The following GSDMD variants were observed in gnomAD, a reference collection of about 807,000 sequenced individuals.
GSDMD encodes the protein gasdermin-D.
GSDMD carries 46 observed loss-of-function variants against 46.7 expected under a neutral mutation model. That is an observed-to-expected ratio of 0.99 (90% CI 0.78 to 1.26). The LOEUF (loss-of-function observed/expected upper bound fraction) is 1.26, where lower values mean the gene tolerates loss of function less well. GSDMD is among the 50% of genes most tolerant of loss of function. The pLI, the probability that GSDMD is intolerant of heterozygous loss-of-function variation, is 0.00. For synonymous variants in GSDMD, 307 were observed against 283.1 expected (o/e 1.08, Z -0.85); for missense variants, 649 against 638.8 (o/e 1.02, Z -0.17).
intron 4 of GSDMD, 30 bp from the exon 5 acceptor site, chr8:143,560,972 C>A (rs1462007562): frequency 6.2e-7 from 1 of 1,601,920 alleles, no homozygotes. Context: ...GGTGCCAGGG[C>A]CCAGCCCCGA....
At chr8:143,558,660 G>A in intron 1 of GSDMD, 1 of 585,750 alleles carries the variant, frequency 1.7e-6, no homozygotes, top group Non-Finnish European at 3.0e-6. Flanking sequence ...GCTTGGGCTT[G>A]ACTCCCAGGT....
At chr8:143,559,673 G>T in intron 2 of GSDMD, 104 bp from the exon 3 acceptor site, 2 of 1,432,850 alleles carry the variant, frequency 1.4e-6, no homozygotes, top group Non-Finnish European at 1.9e-6. Context: ...TCCAGAGGCC[G>T]GGGCCTTTCC....
In GSDMD at chr8:143,562,234, C is replaced by A; in HGVS notation, c.1022C>A (p.Pro341Gln). ...EALEQGQSLG[P>Q]VEPLDGPAGA... ...CTGGAGCAGGGCCAGAGCCTTGGGC[C>A]GGTGGAGCCCCTGGACGGTCCAGCA... is the stretch of plus-strand genomic sequence containing the variant. The change falls in exon 9 of 11, where the codon CCG (proline) becomes CAG (glutamine). Residue 341 changes from proline to glutamine, a missense_variant. By Grantham distance (76) the Pro-to-Gln change is moderately conservative (BLOSUM62 -1). Coordinates refer to ENST00000262580, the MANE Select transcript of GSDMD (RefSeq NM_024736.7). The A allele has an allele frequency of 6.4e-7, 1 of 1,567,816 alleles. No individual in the cohort carries two copies.
intron 1 of GSDMD, 31 bp downstream of exon 1, chr8:143,558,482 TGGCTG>T: frequency 6.9e-7 from 1 of 1,444,674 alleles, no homozygotes. Flanking sequence ...TCCCCCGGCC[TGGCTG>T]GAGCTCCCGA....
chr8:143,562,750 A>G lies in GSDMD; in HGVS notation c.1301A>G (p.Glu434Gly), dbSNP rs555636552. 2.5e-6 allele frequency: 4 copies of G among 1,587,020 alleles called. No individual in the cohort carries two copies. In the South Asian group the frequency reaches 4.6e-5, roughly 18 times the overall value. The change falls in exon 11 of 11, where the codon GAA (glutamate) becomes GGA (glycine). Residue 434 changes from glutamate to glycine, a missense_variant. Physicochemically the swap from Glu to Gly is moderately conservative, Grantham distance 98. Coordinates refer to ENST00000262580, the MANE Select transcript of GSDMD (RefSeq NM_024736.7). ...GGGCTCCTGGGGAACAGCTGGGGCG[A>G]AGGAGCACCGGCCTGGGTCTTGCTG... The part of the protein sequence containing the change: ...PPGLLGNSWG[E>G]GAPAWVLLDE...
rs747486494 is a variant in GSDMD, at chr8:143,562,921, G to T, written c.*17G>T. The T allele has an allele frequency of 3.7e-6, 6 of 1,611,528 alleles. 1 individual carries two copies. The highest frequency in any genetic ancestry group is 5.1e-6 in the Non-Finnish European group (6 of 1,179,920). On this transcript the variant is annotated 3_prime_UTR_variant, in exon 11 of 11. Coordinates refer to ENST00000262580, the MANE Select transcript of GSDMD (RefSeq NM_024736.7). The stretch of plus-strand genomic sequence containing the variant: ...CCCCACTAGCCTGTGCCCGGGCATG[G>T]CCTGGCAGCTCTCCAGCAGGGCAGA...
chr8:143,558,201 G>T (rs1052354922), upstream of GSDMD: 12 of 914,040 alleles, frequency 1.3e-5, no homozygotes, highest in South Asian at 3.6e-5. Context: ...AGGCTACCAG[G>T]ATGGGGCGCC....
rs997652503 is a variant in GSDMD at position 143,558,395 on chromosome 8, G to C, written c.-61G>C. 2.0e-5 allele frequency: 31 copies of C among 1,516,268 alleles called. No individual in the cohort carries two copies. Among genetic ancestry groups the C allele is most frequent in the Non-Finnish European group, 2.7e-5 (31 of 1,138,858 alleles). The allele number at this position is 1,516,268 out of a possible 1,614,324, so 93.9% of individuals were successfully genotyped here. A position where few individuals can be genotyped will look rare whatever the true frequency, so the allele number is the denominator to read the frequency against. On this transcript the variant is annotated 5_prime_UTR_variant, in exon 1 of 11. Coordinates refer to ENST00000262580, the MANE Select transcript of GSDMD (RefSeq NM_024736.7). ...ACCTCCAGCTCCTGCTCGCCGGACG[G>C]CTCCCAGGGAGAGCAGACGCGCCAG...
In GSDMD at chr8:143,562,905, C is replaced by G; in HGVS notation, c.*1C>G. 6.2e-7 allele frequency: 1 copy of G among 1,612,050 alleles called. No individual in the cohort carries two copies. Among genetic ancestry groups the G allele is most frequent in the African/African-American group, 1.3e-5 (1 of 75,036 alleles). On this transcript the variant is annotated 3_prime_UTR_variant, in exon 11 of 11. Transcript: ENST00000262580. ...AGGACTGAGCCAGGAGCCCCACTAGCCTGTGCCCGGGCATGGCCTGGCAGC... is the reference window on the plus strand; with the variant it reads ...AGGACTGAGCCAGGAGCCCCACTAGGCTGTGCCCGGGCATGGCCTGGCAGC...
chr8:143,556,791 C>T (rs757836224), upstream of GSDMD, among the ~76,000 whole-genome samples: 9 of 152,204 alleles, frequency 5.9e-5, no homozygotes, highest in Admixed American at 1.3e-4. Context: ...GAGCCTGTGC[C>T]GAGACTAGGT....
chr8:143,557,867 A>G (rs143264137), upstream of GSDMD: 146 of 414,686 alleles, frequency 3.5e-4, no homozygotes, highest in East Asian at 0.01. Flanking sequence ...ATCTGCCCAG[A>G]CCCTTCGGCA....
intron 3 of GSDMD, 193 bp downstream of exon 3, chr8:143,560,162 C>G: frequency 1.4e-6 from 1 of 712,006 alleles, no homozygotes; most frequent in South Asian, 1.5e-5. Flanking sequence ...GGGTGAGCCA[C>G]TGTGCCAGGT....
chr8:143,558,862 A>G (rs1193957705), intron 1 of GSDMD: 4 of 512,756 alleles, frequency 7.8e-6, no homozygotes, highest in Admixed American at 4.6e-5. Context: ...AGCCTTGGAC[A>G]GGTGGCTCAT....
upstream of GSDMD, among the ~76,000 whole-genome samples, chr8:143,556,617 CACT>C (rs1182768815): frequency 6.6e-6 from 1 of 152,230 alleles, no homozygotes; most frequent in Non-Finnish European, 1.5e-5. Context: ...CGCAGGGCAC[CACT>C]GTGTCCCCAC....
chr8:143,555,087 C>A (rs7834318), upstream of GSDMD: 43,496 of 152,242 alleles, frequency 0.29, 6,698 homozygotes, highest in East Asian at 0.59. Context: ...TTCCAACGCA[C>A]ACACCACCAG....
chr8:143,560,660 C>T lies in GSDMD; in HGVS notation c.468C>T (p.Asn156=), dbSNP rs553925687. 2.0e-4 allele frequency: 325 copies of T among 1,590,018 alleles called. 3 individuals are homozygous for T. The South Asian group carries it at 3.2e-3, about 16-fold the overall frequency. ...AGCAGCTGCGCAGCCGCGGGGACAA[C>T]GTGTACGTGGTGACTGAGGTGCTGC... is the stretch of plus-strand genomic sequence containing the variant. ...VLQQLRSRGD[N]VYVVTEVLQT... Residue 156 remains asparagine (N), a synonymous_variant, in exon 4 of 11, where the codon AAC becomes AAT. Transcript: ENST00000262580.
At chr8:143,560,863 C>T (rs1823441328) in intron 4 of GSDMD, 92 bp downstream of exon 4, 2 of 1,429,422 alleles carry the variant, frequency 1.4e-6, no homozygotes, top group Non-Finnish European at 1.9e-6. Flanking sequence ...GCCAAGGCCC[C>T]TCGGAGCAGC....
Position 143,561,431 on chromosome 8 carries a change from C to T in GSDMD, c.736+8C>T. On this transcript the variant is annotated splice_region_variant and intron_variant, in intron 6 of 10. Transcript: ENST00000262580. ...TCCAGCCACCCGCGACAGGTGAGAG[C>T]CGAGAGCCCCCAGCATGGGGTGTCC... 6.2e-7 allele frequency: 1 copy of T among 1,610,490 alleles called. No homozygotes were observed. The highest frequency in any genetic ancestry group is 8.5e-7 in the Non-Finnish European group (1 of 1,179,050).
rs1396330943 is a variant in GSDMD, at chr8:143,561,005, G to A, written c.583G>A (p.Glu195Lys). The A allele has an allele frequency of 2.5e-6, 4 of 1,612,412 alleles. No homozygotes were observed. Among genetic ancestry groups the A allele is most frequent in the South Asian group, 2.2e-5 (2 of 91,084 alleles). Residue 195 changes from glutamate to lysine, a missense_variant, in exon 5 of 11, where the codon GAG becomes AAG. Coordinates refer to ENST00000262580, the MANE Select transcript of GSDMD (RefSeq NM_024736.7). ...SLPGATCLQG[E>K]GQGHLSQKKT... ...CGAGCCCATCTCCATGCCTCAGGGT[G>A]AGGGCCAGGGCCATCTGAGCCAGAA...
Sources: gnomAD v4.1 joint callset for allele counts (sites outside exome capture counted in the v4.1 genomes callset) on GRCh38, gnomAD v4.1.1 for gene constraint, MANE v1.5 for transcripts, NCBI Gene and HGNC (gene_info 2026-07-23, HGNC 2026-07-21) for gene names.